The following FBLN1 variants were observed in gnomAD, a reference collection of about 807,000 sequenced individuals.
FBLN1 encodes fibulin 1.
FBLN1 carries 34 observed loss-of-function variants against 89.7 expected under a neutral mutation model. That is an observed-to-expected ratio of 0.38 (90% CI 0.29 to 0.50). The LOEUF (loss-of-function observed/expected upper bound fraction) is 0.50. Ranked by LOEUF, FBLN1 falls within the 20% of genes least tolerant of loss-of-function variation. FBLN1 has a pLI of 0.92. For missense variants in FBLN1, 777 were observed against 988.1 expected (o/e 0.79, Z 2.86); for synonymous variants, 393 against 391.3 (o/e 1.00, Z -0.05).
intron 16 of FBLN1, among the ~76,000 whole-genome samples, chr22:45,591,695 G>C (rs745893548): frequency 1.2e-4 from 19 of 152,168 alleles, no homozygotes; most frequent in Admixed American, 1.2e-3. Flanking sequence ...TGCACCACCA[G>C]CTTCTGATGC....
At chr22:45,547,386 G>GTTTTTTTT (rs5845717) in intron 12 of FBLN1, among the ~76,000 whole-genome samples, 182 bp downstream of exon 12, 1 of 53,676 alleles carries the variant, frequency 1.9e-5, no homozygotes, top group Non-Finnish European at 3.6e-5. Context: ...TCCAACTGAG[G>GTTTTTTTT]TTTTTTTTTT....
rs189002590 is a variant in FBLN1, at chr22:45,508,310, C to G, written c.79+5246C>G. ...TCTTTTTTTTTGAGACGGAGTCTTG[C>G]ACTGTCTGGGGTGTGATCTTGGCTC... On this transcript the variant is annotated intron_variant, in intron 1 of 16. Coordinates refer to ENST00000327858, the MANE Select transcript of FBLN1 (RefSeq NM_006486.3). Among the ~76,000 whole-genome samples, 8 of 63,150 alleles carry G rather than the reference C, an allele frequency of 1.3e-4. No homozygotes were observed. The East Asian group carries it at 4.2e-3, about 33-fold the overall frequency. 41.4% of individuals were successfully genotyped at this position (63,150 alleles called of 152,430 possible). A position where few individuals can be genotyped will look rare whatever the true frequency, so the allele number is the denominator to read the frequency against.
At position 45,562,321 on chromosome 22, in the gene FBLN1, C is replaced by G. The variant is rs998484907; in HGVS notation, c.1697+11706C>G. On this transcript the variant is annotated intron_variant, in intron 14 of 16. Transcript: ENST00000327858. The surrounding 1 kb of genome is among the most constrained non-coding windows in gnomAD (Gnocchi z 7.8). ...AATGGCTGAGTAGCGATATGGCTCC[C>G]TCACTCACTCTGTGACCTTGGGAAG... Among the ~76,000 whole-genome samples, 1 of 152,206 alleles carries G rather than the reference C, an allele frequency of 6.6e-6. No homozygotes were observed. The highest frequency in any genetic ancestry group is 1.5e-5 in the Non-Finnish European group (1 of 68,032).
chr22:45,504,247 C>G (rs988937907), intron 1 of FBLN1, among the ~76,000 whole-genome samples: 1 of 152,126 alleles, frequency 6.6e-6, no homozygotes, highest in African/African-American at 2.4e-5. Context: ...GGGAGCTGAG[C>G]TCTACAGAGC....
rs7287670 is a variant in FBLN1, at chr22:45,530,705, T to C, written c.485-560T>C. Among the ~76,000 whole-genome samples, 23,475 of 152,036 alleles carry C rather than the reference T, an allele frequency of 0.15. 2,378 individuals are homozygous for C. The highest frequency in any genetic ancestry group is 0.29 in the African/African-American group (11,833 of 41,414). Reference sequence around the variant, plus strand: ...GGTCAAGTAATTTGGACTATGGGAATATCACCCAGCATGAAGTCAATGATT... The same window carrying C: ...GGTCAAGTAATTTGGACTATGGGAACATCACCCAGCATGAAGTCAATGATT... On this transcript the variant is annotated intron_variant, in intron 4 of 16. Transcript: ENST00000327858. The surrounding 1 kb of genome is among the most constrained non-coding windows in gnomAD (Gnocchi z 5.4).
At chr22:45,538,968 T>C (rs1452932023) in intron 8 of FBLN1, among the ~76,000 whole-genome samples, 1 of 152,100 alleles carries the variant, frequency 6.6e-6, no homozygotes, top group Non-Finnish European at 1.5e-5. Context: ...AACCTTAAGG[T>C]TGGGTCACCG....
At chr22:45,573,860 C>T (rs183133947) in intron 14 of FBLN1, among the ~76,000 whole-genome samples, 4 of 151,890 alleles carry the variant, frequency 2.6e-5, no homozygotes, top group African/African-American at 9.7e-5. Context: ...TGTAATAACT[C>T]GTTAAACTAT....
At chr22:45,568,671 A>G (rs554526951) in intron 14 of FBLN1, among the ~76,000 whole-genome samples, 8 of 79,850 alleles carry the variant, frequency 1.0e-4, no homozygotes, top group African/African-American at 4.0e-4. Flanking sequence ...CTGTAGGGGA[A>G]TGCCTCTTCT....
At chr22:45,509,346 GCTCCTTCTCTCTTGCTGC>G (rs1249482510) in intron 1 of FBLN1, among the ~76,000 whole-genome samples, 1 of 152,172 alleles carries the variant, frequency 6.6e-6, no homozygotes, top group Non-Finnish European at 1.5e-5. Context: ...GGTACCTTCT[GCTCCTTCTCTCTTGCTGC>G]CTCCTCCCGG....
At position 45,563,063 on chromosome 22, in the gene FBLN1, A is replaced by G; in HGVS notation, c.1698-11448A>G. The G allele has an allele frequency of 6.2e-7, 1 of 1,613,394 alleles. No homozygotes were observed. The highest frequency in any genetic ancestry group is 1.1e-5 in the South Asian group (1 of 91,074). ...CTCCAGTGCTGTCCCCGGGGACAGC[A>G]TGCAGCTGGCCATCACCGGCGGCAA... On this transcript the variant is annotated intron_variant, in intron 14 of 16. Transcript: ENST00000327858. The surrounding 1 kb of genome is among the most constrained non-coding windows in gnomAD (Gnocchi z 5.7).
Position 45,574,707 on chromosome 22 carries a change from C to A in FBLN1, c.1840+54C>A. The stretch of plus-strand genomic sequence containing the variant: ...GGCCCCCTAGGGCCTCCCTCGGCTT[C>A]AGCTGAGGGCTTGGCCTACAGGAGT... On this transcript the variant is annotated intron_variant, in intron 15 of 16. Transcript: ENST00000327858. This position sits in a 1 kb window ranked among gnomAD's most constrained non-coding sequence, Gnocchi z 4.1. 1 of 1,521,120 alleles carries A rather than the reference C, an allele frequency of 6.6e-7. No individual in the cohort carries two copies. The highest frequency in any genetic ancestry group is 9.0e-7 in the Non-Finnish European group (1 of 1,106,724). 94.2% of individuals were successfully genotyped at this position (1,521,120 alleles called of 1,614,324 possible). A position where few individuals can be genotyped will look rare whatever the true frequency, so the allele number is the denominator to read the frequency against.
chr22:45,517,182 C>T (rs753181486), intron 1 of FBLN1, among the ~76,000 whole-genome samples: 42 of 152,358 alleles, frequency 2.8e-4, no homozygotes, highest in Admixed American at 5.2e-4. Flanking sequence ...TGTGCGGAAA[C>T]GCTGCCAAGC....
At chr22:45,592,958 C>A (rs1450035313) in intron 16 of FBLN1, among the ~76,000 whole-genome samples, 1 of 152,204 alleles carries the variant, frequency 6.6e-6, no homozygotes, top group Non-Finnish European at 1.5e-5. Flanking sequence ...TGCTCTTTGA[C>A]AGCCCTGCAC....
intron 11 of FBLN1, among the ~76,000 whole-genome samples, chr22:45,546,021 A>G (rs951345244): frequency 1.3e-5 from 2 of 152,060 alleles, no homozygotes; most frequent in Admixed American, 6.6e-5. Context: ...GGTGGTGCAC[A>G]CCTGTAATCC....
rs143279241 is a variant in FBLN1 at position 45,600,386 on chromosome 22, C to T, written c.2052C>T (p.Gly684=). 1.1e-5 allele frequency: 17 copies of T among 1,614,126 alleles called. No homozygotes were observed. The highest frequency in any genetic ancestry group is 4.0e-5 in the African/African-American group (3 of 75,012). Residue 684 remains glycine (G), a synonymous_variant, in exon 17 of 17, where the codon GGC becomes GGT. Transcript: ENST00000327858. ...LKLEMNYVVG[G]VVSHRNVVNV... ...TGGAGATGAACTATGTGGTCGGGGG[C>T]GTGGTCTCCCACCGAAATGTTGTCA...
chr22:45,544,538 C>T (rs539767788), intron 11 of FBLN1, among the ~76,000 whole-genome samples: 1 of 152,256 alleles, frequency 6.6e-6, no homozygotes, highest in Admixed American at 6.5e-5. Context: ...ACAGAGAAAC[C>T]GTTTACATTT....
rs1016337313 is a variant in FBLN1 at position 45,530,325 on chromosome 22, C to T, written c.485-940C>T. Among the ~76,000 whole-genome samples, 1 of 152,060 alleles carries T rather than the reference C, an allele frequency of 6.6e-6. No homozygotes were observed. The highest frequency in any genetic ancestry group is 1.5e-5 in the Non-Finnish European group (1 of 67,998). On this transcript the variant is annotated intron_variant, in intron 4 of 16. Coordinates refer to ENST00000327858, the MANE Select transcript of FBLN1 (RefSeq NM_006486.3). This position sits in a 1 kb window ranked among gnomAD's most constrained non-coding sequence, Gnocchi z 5.4. ...GAGCAGTCTCTGGGCTTTTCTGCAG[C>T]TCCAGATGTTAGATGTTTTATCTCT...
chr22:45,513,467 C>T (rs149133612), intron 1 of FBLN1, among the ~76,000 whole-genome samples: 112 of 152,100 alleles, frequency 7.4e-4, no homozygotes, highest in African/African-American at 2.4e-3. Context: ...CCACCAAACC[C>T]GGCTAATTGT....
Position 45,543,484 on chromosome 22 carries a change from T to C in FBLN1, c.1279T>C (p.Ser427Pro), listed in dbSNP as rs2088585134. Residue 427 changes from serine (S) to proline (P), a missense_variant, in exon 11 of 17, where the codon TCC (serine) becomes CCC (proline). By Grantham distance (74) the Ser-to-Pro change is moderately conservative. Transcript: ENST00000327858. Reference sequence around the variant, plus strand: ...GCTGGGCTCCTACCTCTGCAGCTGTTCCGTGGGCTTCCGGCTCTCTGTGGA... The same window carrying C: ...GCTGGGCTCCTACCTCTGCAGCTGTCCCGTGGGCTTCCGGCTCTCTGTGGA... ...NTLGSYLCSC[S>P]VGFRLSVDGR... is the part of the protein sequence containing the mutation. 6.2e-7 allele frequency: 1 copy of C among 1,613,756 alleles called. No individual in the cohort carries two copies. Among genetic ancestry groups the C allele is most frequent in the Non-Finnish European group, 8.5e-7 (1 of 1,180,008 alleles).
Sources: allele counts gnomAD v4.1 joint callset (sites outside exome capture counted in the v4.1 genomes callset), GRCh38; gene constraint gnomAD v4.1.1; non-coding constraint Gnocchi (gnomAD v3.1); transcripts MANE v1.5; gene names NCBI Gene and HGNC (gene_info 2026-07-23, HGNC 2026-07-21).